CNOT4: variants seen among roughly 807,000 people sequenced by gnomAD.
CNOT4 encodes CCR4-NOT transcription complex subunit 4, also known as CCR4-associated factor 4.
A neutral mutation model predicts 73.8 loss-of-function variants in CNOT4; 8 were observed. The observed-to-expected ratio is 0.11, with a 90% CI of 0.06 to 0.20. CNOT4 has a LOEUF of 0.20. Among genes scored for constraint, CNOT4 ranks in the 10% least tolerant of loss-of-function variants. CNOT4 has a pLI of 1.00. For synonymous variants in CNOT4, 293 were observed against 321.1 expected (o/e 0.91, Z 0.94); for missense variants, 564 against 883.4 (o/e 0.64, Z 4.58).
intron 2 of CNOT4, among the ~76,000 whole-genome samples, chr7:135,430,392 C>T (rs1798741723): frequency 6.6e-6 from 1 of 152,112 alleles, no homozygotes; most frequent in African/African-American, 2.4e-5. Flanking sequence ...AATCCCAGCA[C>T]TTTAGGAGGC....
At position 135,496,371 on chromosome 7, in the gene CNOT4, G is replaced by A. The variant is rs1489714736; in HGVS notation, c.-93+13518C>T. Among the ~76,000 whole-genome samples the A allele has an allele frequency of 2.0e-5, 3 of 152,188 alleles. No homozygotes were observed. The East Asian group carries it at 5.8e-4, about 29-fold the overall frequency. On this transcript the variant is annotated intron_variant, in intron 1 of 11. Coordinates refer to ENST00000541284, the MANE Select transcript of CNOT4 (RefSeq NM_001190850.2). Reference sequence around the variant, plus strand: ...GCCTCCCACAGTGCTGGGATTACAGGCGTGAGCCACTGTGCCAGGCCAACT... The same window carrying A: ...GCCTCCCACAGTGCTGGGATTACAGACGTGAGCCACTGTGCCAGGCCAACT...
intron 2 of CNOT4, among the ~76,000 whole-genome samples, chr7:135,429,572 T>C (rs1429900710): frequency 6.6e-6 from 1 of 152,156 alleles, no homozygotes; most frequent in East Asian, 1.9e-4. Context: ...TCATCAAACA[T>C]CCCGAGTCCA....
chr7:135,425,873 C>A (rs1369780445), intron 2 of CNOT4, among the ~76,000 whole-genome samples: 3 of 152,094 alleles, frequency 2.0e-5, no homozygotes, highest in African/African-American at 7.2e-5. Context: ...ACCTACTGCA[C>A]AAACCCAAGG....
chr7:135,398,124 C>T (rs1013033861), intron 8 of CNOT4, 45 bp downstream of exon 8: 11 of 1,058,298 alleles, frequency 1.0e-5, no homozygotes, highest in African/African-American at 6.3e-5. Flanking sequence ...ACCTTGCTTT[C>T]GGAGTATGGC....
chr7:135,438,271 A>G lies in CNOT4; in HGVS notation c.61T>C (p.Leu21=). 6.2e-7 allele frequency: 1 copy of G among 1,613,860 alleles called. No individual in the cohort carries two copies. The highest frequency in any genetic ancestry group is 8.5e-7 in the Non-Finnish European group (1 of 1,179,758). Residue 21 remains leucine, a synonymous_variant, in exon 2 of 12, where the codon TTG becomes CTG. Coordinates refer to ENST00000541284, the MANE Select transcript of CNOT4 (RefSeq NM_001190850.2). Reference sequence around the variant, plus strand: ...AAAAAGTTGATATCATCTATCTCCAAGGGCTCCATGCAAAGAGGGCACTCC... The same window carrying G: ...AAAAAGTTGATATCATCTATCTCCAGGGGCTCCATGCAAAGAGGGCACTCC... ...PVECPLCMEP[L]EIDDINFFPC...
chr7:135,366,353 T>G (rs1288418130), intron 10 of CNOT4, among the ~76,000 whole-genome samples: 1 of 152,248 alleles, frequency 6.6e-6, no homozygotes, highest in African/African-American at 2.4e-5. Flanking sequence ...AGAGGGGTTA[T>G]ATGACAATTC....
intron 3 of CNOT4, among the ~76,000 whole-genome samples, chr7:135,417,174 G>A (rs1233746753): frequency 2.0e-5 from 3 of 152,012 alleles, no homozygotes; most frequent in African/African-American, 4.8e-5. Flanking sequence ...TAGTACTTTA[G>A]AGCCTCAATA....
chr7:135,502,284 T>C (rs1804027498), intron 1 of CNOT4, among the ~76,000 whole-genome samples: 1 of 152,214 alleles, frequency 6.6e-6, no homozygotes, highest in African/African-American at 2.4e-5. Flanking sequence ...ATACAAACAG[T>C]ACACAATCTT....
chr7:135,483,180 T>TAA (rs776523276), intron 1 of CNOT4, among the ~76,000 whole-genome samples: 3 of 136,874 alleles, frequency 2.2e-5, no homozygotes, highest in Admixed American at 1.5e-4. Flanking sequence ...ACAAAAAAAT[T>TAA]TAAAAAAAAA....
At chr7:135,483,978 G>A (rs939811199) in intron 1 of CNOT4, among the ~76,000 whole-genome samples, 4 of 152,034 alleles carry the variant, frequency 2.6e-5, no homozygotes, top group Non-Finnish European at 5.9e-5. Flanking sequence ...CGGATCACTT[G>A]AGATCAGGAG....
intron 1 of CNOT4, among the ~76,000 whole-genome samples, chr7:135,469,882 C>A (rs2696882): frequency 0.013 from 1,922 of 152,086 alleles, 38 homozygotes; most frequent in African/African-American, 0.045. Context: ...AGTGCAGTGG[C>A]GCAATCTCAG....
chr7:135,437,012 T>C (rs1563049873), intron 2 of CNOT4, among the ~76,000 whole-genome samples: 1 of 152,162 alleles, frequency 6.6e-6, no homozygotes, highest in Non-Finnish European at 1.5e-5. Context: ...TGGCAGATAT[T>C]TGCATTAATC....
intron 10 of CNOT4, among the ~76,000 whole-genome samples, chr7:135,379,417 G>A (rs1359685007): frequency 6.6e-6 from 1 of 152,168 alleles, no homozygotes; most frequent in Non-Finnish European, 1.5e-5. Context: ...GGAACCAGGG[G>A]AAGACTATGG....
intron 2 of CNOT4, among the ~76,000 whole-genome samples, chr7:135,430,419 C>G (rs1798743429): frequency 6.6e-6 from 1 of 152,102 alleles, no homozygotes; most frequent in Non-Finnish European, 1.5e-5. Context: ...AGGAGGAACA[C>G]CTGAGGGCAG....
chr7:135,478,074 T>C (rs1802108977), intron 1 of CNOT4, among the ~76,000 whole-genome samples: 1 of 152,196 alleles, frequency 6.6e-6, no homozygotes, highest in African/African-American at 2.4e-5. Context: ...TATGTATTAC[T>C]ATACTAATTA....
At chr7:135,463,031 C>T (rs1800971850) in intron 1 of CNOT4, among the ~76,000 whole-genome samples, 2 of 152,324 alleles carry the variant, frequency 1.3e-5, no homozygotes, top group Admixed American at 6.5e-5. Flanking sequence ...AAAGAACAGA[C>T]AGCCGTAGAT....
rs1024185490 is a variant in CNOT4 at position 135,496,651 on chromosome 7, T to C, written c.-93+13238A>G. 3.3e-5 allele frequency among the ~76,000 whole-genome samples: 5 copies of C among 152,212 alleles called. No homozygotes were observed. The East Asian group carries it at 9.7e-4, about 29-fold the overall frequency. Reference sequence around the variant, plus strand: ...CTATTCCTCTCTCTCTCTCTCTCTCTCTCTGACCTTTCCCTTAGAAAATCT... The same window carrying C: ...CTATTCCTCTCTCTCTCTCTCTCTCCCTCTGACCTTTCCCTTAGAAAATCT... On this transcript the variant is annotated intron_variant, in intron 1 of 11. Coordinates refer to ENST00000541284, the MANE Select transcript of CNOT4 (RefSeq NM_001190850.2).
chr7:135,491,492 C>T (rs185516877), intron 1 of CNOT4, among the ~76,000 whole-genome samples: 9 of 152,228 alleles, frequency 5.9e-5, no homozygotes, highest in African/African-American at 1.2e-4. Flanking sequence ...CTTTGTCAAA[C>T]GTAGATCATC....
intron 10 of CNOT4, among the ~76,000 whole-genome samples, chr7:135,385,628 C>T (rs541165387): frequency 5.9e-5 from 9 of 152,252 alleles, no homozygotes; most frequent in Admixed American, 5.9e-4. Context: ...TTTGTCTTTC[C>T]TAGTAAGGTT....
Sources: allele counts gnomAD v4.1 joint callset (sites outside exome capture counted in the v4.1 genomes callset), GRCh38; gene constraint gnomAD v4.1.1; transcripts MANE v1.5; gene names NCBI Gene and HGNC (gene_info 2026-07-23, HGNC 2026-07-21).